The following CCDC167 variants were observed in gnomAD, a reference collection of about 807,000 sequenced individuals.
CCDC167 encodes coiled-coil domain-containing protein 167.
In CCDC167, 15 loss-of-function variants were observed where a neutral mutation model predicts 12.7. The observed-to-expected ratio is 1.18, with a 90% confidence interval of 0.79 to 1.81. CCDC167 has a LOEUF of 1.81. Among genes scored for constraint, CCDC167 ranks in the 40% most tolerant of loss-of-function variants. The pLI, the probability that CCDC167 is intolerant of heterozygous loss-of-function variation, is 0.00. For missense variants in CCDC167, 121 were observed against 120.1 expected, an observed-to-expected ratio of 1.01 and a Z score of -0.03; for synonymous variants, 52 against 49.0, an observed-to-expected ratio of 1.06 and a Z score of -0.26.
rs1391988809 is a variant in CCDC167 at position 37,497,920 on chromosome 6, A to G, written c.42+1902T>C. On this transcript the variant is annotated intron_variant, in intron 1 of 3. Transcript: ENST00000373408. ...ATGAAAAAAACAAAACAAAACAAAAACAGGGCACTAAATAGAACACAATAA... is the reference window on the plus strand; with the variant it reads ...ATGAAAAAAACAAAACAAAACAAAAGCAGGGCACTAAATAGAACACAATAA... Among the ~76,000 whole-genome samples, 3 of 152,078 alleles carry G rather than the reference A, an allele frequency of 2.0e-5. No homozygotes were observed. The East Asian group carries it at 5.8e-4, about 29-fold the overall frequency.
chr6:37,485,424 A>G (rs947652689), intron 1 of CCDC167, among the ~76,000 whole-genome samples: 7 of 152,210 alleles, frequency 4.6e-5, no homozygotes, highest in African/African-American at 1.7e-4. Context: ...GCCACACTGT[A>G]AACAGTAGTG....
intron 1 of CCDC167, among the ~76,000 whole-genome samples, chr6:37,490,368 G>T (rs987951446): frequency 6.6e-6 from 1 of 152,164 alleles, no homozygotes; most frequent in Non-Finnish European, 1.5e-5. Context: ...GAGCACAAAG[G>T]AAGAGGGGAG....
intron 1 of CCDC167, among the ~76,000 whole-genome samples, chr6:37,496,043 C>A (rs1762093223): frequency 6.6e-6 from 1 of 152,156 alleles, no homozygotes; most frequent in Admixed American, 6.5e-5. Flanking sequence ...ACCAAGATAG[C>A]AAATATAAAC....
chr6:37,487,791 G>T (rs1761967161), intron 1 of CCDC167, among the ~76,000 whole-genome samples: 1 of 152,264 alleles, frequency 6.6e-6, no homozygotes, highest in Non-Finnish European at 1.5e-5. Flanking sequence ...GGAGCTGGCA[G>T]TCGGGGGCCT....
chr6:37,494,056 CTTTTTTTTTTTTTTTT>C (rs70977666), intron 1 of CCDC167, among the ~76,000 whole-genome samples: 1 of 91,384 alleles, frequency 1.1e-5, no homozygotes, highest in African/African-American at 4.3e-5. Context: ...GTGATCCTGC[CTTTTTTTTTTTTTTTT>C]TTTTTTTTTT....
chr6:37,487,257 A>G (rs1317892035), intron 1 of CCDC167, among the ~76,000 whole-genome samples: 1 of 152,156 alleles, frequency 6.6e-6, no homozygotes, highest in Non-Finnish European at 1.5e-5. Context: ...CCCGAGTCTA[A>G]AGCTCCTGTC....
intron 1 of CCDC167, among the ~76,000 whole-genome samples, chr6:37,493,959 A>G (rs1380648914): frequency 1.3e-5 from 2 of 151,710 alleles, no homozygotes; most frequent in Non-Finnish European, 2.9e-5. Flanking sequence ...GGCTGGCACC[A>G]TACAAATAAC....
chr6:37,499,695 C>T, intron 1 of CCDC167, 127 bp downstream of exon 1: 1 of 1,095,982 alleles, frequency 9.1e-7, no homozygotes, highest in Non-Finnish European at 1.4e-6. Flanking sequence ...CGTCCCTCTC[C>T]CCAAACCGCG....
At chr6:37,494,309 C>A (rs113196828) in intron 1 of CCDC167, among the ~76,000 whole-genome samples, 18,164 of 152,132 alleles carry the variant, frequency 0.12, 1,138 homozygotes, top group South Asian at 0.15. Flanking sequence ...GTGATCCGCC[C>A]GCCTGGGCCT....
chr6:37,499,774 A>T, intron 1 of CCDC167, 48 bp downstream of exon 1: 1 of 1,594,308 alleles, frequency 6.3e-7, no homozygotes, highest in South Asian at 1.1e-5. Flanking sequence ...TCCCGCGGCC[A>T]GGAGAAGGCA....
intron 3 of CCDC167, 27 bp downstream of exon 3, chr6:37,484,783 G>A (rs753457761): frequency 9.9e-6 from 16 of 1,613,866 alleles, no homozygotes; most frequent in African/African-American, 2.7e-5. Context: ...GGAGGCTGGG[G>A]CTGGTAACTG....
intron 1 of CCDC167, among the ~76,000 whole-genome samples, chr6:37,491,986 C>T (rs561932284): frequency 2.0e-5 from 3 of 152,226 alleles, no homozygotes; most frequent in South Asian, 4.1e-4. Context: ...GGACTCCTAG[C>T]TCCTGGGCAC....
chr6:37,495,361 G>A (rs894068035), intron 1 of CCDC167, among the ~76,000 whole-genome samples: 1 of 152,170 alleles, frequency 6.6e-6, no homozygotes, highest in Non-Finnish European at 1.5e-5. Context: ...CAAAGGAACA[G>A]CTCATTACCA....
intron 1 of CCDC167, among the ~76,000 whole-genome samples, chr6:37,498,189 C>T (rs908853411): frequency 8.5e-5 from 13 of 152,142 alleles, no homozygotes; most frequent in African/African-American, 3.1e-4. Flanking sequence ...ATTTGGCTCT[C>T]TAGAAGAGAC....
At chr6:37,498,888 T>C (rs1308188282) in intron 1 of CCDC167, among the ~76,000 whole-genome samples, 2 of 151,872 alleles carry the variant, frequency 1.3e-5, no homozygotes, top group Non-Finnish European at 2.9e-5. Context: ...TTACTCGGGG[T>C]GTGGGAAGAG....
chr6:37,489,026 A>G (rs978359348), intron 1 of CCDC167, among the ~76,000 whole-genome samples: 3 of 151,972 alleles, frequency 2.0e-5, no homozygotes, highest in African/African-American at 7.3e-5. Context: ...TCACGAGGTC[A>G]GGAGATCCAG....
Position 37,483,046 on chromosome 6 carries a change from C to T in CCDC167, c.*140G>A. On this transcript the variant is annotated 3_prime_UTR_variant, in exon 4 of 4. Coordinates refer to ENST00000373408, the MANE Select transcript of CCDC167 (RefSeq NM_138493.3). Reference sequence around the variant, plus strand: ...GCAGGCCAGGGAGGCAAGGCCTGGGCCGCCAGGAAGCCATGCTTGAACACT... The same window carrying T: ...GCAGGCCAGGGAGGCAAGGCCTGGGTCGCCAGGAAGCCATGCTTGAACACT... The T allele has an allele frequency of 1.3e-6, 1 of 750,604 alleles. No homozygotes were observed. Among genetic ancestry groups the T allele is most frequent in the Non-Finnish European group, 2.4e-6 (1 of 418,196 alleles). 46.5% of individuals were successfully genotyped at this position (750,604 alleles called of 1,614,324 possible).
intron 1 of CCDC167, among the ~76,000 whole-genome samples, chr6:37,495,382 G>A (rs996389687): frequency 3.9e-5 from 6 of 152,292 alleles, no homozygotes; most frequent in Middle Eastern, 3.4e-3. Flanking sequence ...TCAGAGATCC[G>A]AAAACACAAA....
chr6:37,499,508 T>A (rs1403965517), intron 1 of CCDC167, among the ~76,000 whole-genome samples: 1 of 152,016 alleles, frequency 6.6e-6, no homozygotes, highest in Non-Finnish European at 1.5e-5. Context: ...TCCCTTTTGT[T>A]CTGTGTCCCC....
Sources: gnomAD v4.1 joint callset for allele counts (sites outside exome capture counted in the v4.1 genomes callset) on GRCh38, gnomAD v4.1.1 for gene constraint, MANE v1.5 for transcripts, NCBI Gene and HGNC (gene_info 2026-07-23, HGNC 2026-07-21) for gene names.